Variants in TRPC6 observed in about 807,000 individuals in gnomAD.
The protein encoded by TRPC6 is short transient receptor potential channel 6.
In TRPC6, 55 loss-of-function variants were observed where a neutral mutation model predicts 90.7. The ratio of observed to expected loss-of-function variants is 0.61; its 90% CI spans 0.49 to 0.76. The LOEUF (loss-of-function observed/expected upper bound fraction) is 0.76. Ranked by LOEUF, TRPC6 falls within the 30% of genes least tolerant of loss-of-function variation. The pLI is 0.00. For synonymous variants in TRPC6, 393 were observed against 393.0 expected, an observed-to-expected ratio of 1.00 and a Z score of 0.00; for missense variants, 989 against 1,122.7, an observed-to-expected ratio of 0.88 and a Z score of 1.70.
At chr11:101,555,325 G>A (rs1861538676) in intron 1 of TRPC6, among the ~76,000 whole-genome samples, 1 of 152,126 alleles carries the variant, frequency 6.6e-6, no homozygotes, top group Non-Finnish European at 1.5e-5. Flanking sequence ...TTTGCCACAT[G>A]GCATCCTACT....
intron 1 of TRPC6, among the ~76,000 whole-genome samples, chr11:101,565,297 G>C (rs1370860771): frequency 6.6e-6 from 1 of 151,936 alleles, no homozygotes; most frequent in Non-Finnish European, 1.5e-5. Flanking sequence ...TTCAGAAAAA[G>C]AAGAAACCAA....
chr11:101,520,579 AG>A (rs763069628), intron 1 of TRPC6, among the ~76,000 whole-genome samples: 6 of 152,148 alleles, frequency 3.9e-5, no homozygotes, highest in African/African-American at 1.2e-4. Context: ...AGAGCTTCCT[AG>A]AGACTTGTTA....
At chr11:101,463,061 G>T (rs963877842) in intron 10 of TRPC6, among the ~76,000 whole-genome samples, 3 of 152,184 alleles carry the variant, frequency 2.0e-5, no homozygotes, top group Admixed American at 6.5e-5. Flanking sequence ...CATCTATTGA[G>T]ATAATCATGT....
intron 1 of TRPC6, among the ~76,000 whole-genome samples, chr11:101,513,735 T>C (rs2136762774): frequency 6.6e-6 from 1 of 152,308 alleles, no homozygotes; most frequent in South Asian, 2.1e-4. Context: ...AACTTGTAAC[T>C]AAGATTCATC....
intron 1 of TRPC6, among the ~76,000 whole-genome samples, chr11:101,542,586 T>C (rs918701043): frequency 6.0e-5 from 9 of 150,878 alleles, no homozygotes; most frequent in African/African-American, 2.0e-4. Flanking sequence ...CCATTTATCA[T>C]GAATCCTAAA....
At chr11:101,515,954 A>G (rs1048083391) in intron 1 of TRPC6, among the ~76,000 whole-genome samples, 7 of 151,500 alleles carry the variant, frequency 4.6e-5, no homozygotes, top group Non-Finnish European at 1.0e-4. Flanking sequence ...TATAGGTGTT[A>G]TTTTATTTAA....
chr11:101,533,126 G>C (rs1357344990), intron 1 of TRPC6, among the ~76,000 whole-genome samples: 1 of 152,162 alleles, frequency 6.6e-6, no homozygotes, highest in Non-Finnish European at 1.5e-5. Flanking sequence ...GAGGTGATCA[G>C]GGTGAAAAAG....
intron 1 of TRPC6, among the ~76,000 whole-genome samples, chr11:101,577,372 T>C (rs1484861944): frequency 6.6e-6 from 1 of 152,236 alleles, no homozygotes; most frequent in African/African-American, 2.4e-5. Flanking sequence ...CTCGTACTGC[T>C]GCTGGACTGT....
At position 101,583,586 on chromosome 11, in the gene TRPC6, C is replaced by A; in HGVS notation, c.-83G>T. On this transcript the variant is annotated 5_prime_UTR_variant, in exon 1 of 13. Coordinates refer to ENST00000344327, the MANE Select transcript of TRPC6 (RefSeq NM_004621.6). Reference sequence around the variant, plus strand: ...CAGCGGGGACCCGGTGCGGAGGGTTCGCGTCAGCGGCCGAACTGGACCTGG... The same window carrying A: ...CAGCGGGGACCCGGTGCGGAGGGTTAGCGTCAGCGGCCGAACTGGACCTGG... 7.2e-7 allele frequency: 1 copy of A among 1,380,300 alleles called. No individual in the cohort carries two copies. Among genetic ancestry groups the A allele is most frequent in the South Asian group, 1.6e-5 (1 of 61,674 alleles). The allele number at this position is 1,380,300 out of a possible 1,614,324, so 85.5% of individuals were successfully genotyped here.
chr11:101,533,455 C>T (rs912345975), intron 1 of TRPC6, among the ~76,000 whole-genome samples: 1 of 152,130 alleles, frequency 6.6e-6, no homozygotes, highest in Non-Finnish European at 1.5e-5. Context: ...AAGACAGTGC[C>T]AAGCCATGAG....
chr11:101,458,738 A>T (rs1247844246), intron 10 of TRPC6, among the ~76,000 whole-genome samples: 2 of 152,194 alleles, frequency 1.3e-5, no homozygotes, highest in African/African-American at 4.8e-5. Flanking sequence ...CTTGTTTCAA[A>T]ATGTATTTTT....
At chr11:101,461,234 C>T (rs1013822289) in intron 10 of TRPC6, among the ~76,000 whole-genome samples, 3 of 152,156 alleles carry the variant, frequency 2.0e-5, no homozygotes, top group Non-Finnish European at 2.9e-5. Context: ...TTACTTCACA[C>T]AAACAAAAGA....
At chr11:101,489,636 ATTTT>A (rs57237951) in intron 3 of TRPC6, among the ~76,000 whole-genome samples, 8 of 148,450 alleles carry the variant, frequency 5.4e-5, no homozygotes, top group South Asian at 2.1e-4. Flanking sequence ...AATTTTCAAT[ATTTT>A]TTTTTTTTGA....
intron 5 of TRPC6, 120 bp downstream of exon 5, chr11:101,482,829 T>C (rs564599444): frequency 4.8e-6 from 5 of 1,042,886 alleles, no homozygotes; most frequent in East Asian, 2.4e-5. Context: ...AAAATTATGA[T>C]GTGTGGTGCA....
intron 1 of TRPC6, among the ~76,000 whole-genome samples, chr11:101,576,488 G>A (rs1452092308): frequency 6.6e-6 from 1 of 152,196 alleles, no homozygotes; most frequent in African/African-American, 2.4e-5. Context: ...CTGTGATTCA[G>A]TCAGTTCCAA....
At position 101,504,078 on chromosome 11, in the gene TRPC6, A is replaced by G. The variant is rs1489671359; in HGVS notation, c.891T>C (p.Ala297=). The change falls in exon 2 of 13, where the codon GCT becomes GCC. Residue 297 remains alanine, a synonymous_variant. Coordinates refer to ENST00000344327, the MANE Select transcript of TRPC6 (RefSeq NM_004621.6). ...SLSSEDPVMT[A]LELSNELAVL... ...CTGCCAGTTCATTGCTAAGTTCTAA[A>G]GCCGTCATGACTGGATCTTCACTAG... is the stretch of plus-strand genomic sequence containing the variant. 1 of 1,614,096 alleles carries G rather than the reference A, an allele frequency of 6.2e-7. No homozygotes were observed.
chr11:101,509,717 A>ATT (rs201469652), intron 1 of TRPC6, among the ~76,000 whole-genome samples: 5 of 150,030 alleles, frequency 3.3e-5, no homozygotes, highest in African/African-American at 9.8e-5. Context: ...TTTCCGTAGA[A>ATT]TTTTTTTTTT....
intron 10 of TRPC6, among the ~76,000 whole-genome samples, chr11:101,465,698 T>A (rs997347696): frequency 6.6e-6 from 1 of 152,214 alleles, no homozygotes; most frequent in East Asian, 1.9e-4. Flanking sequence ...CTAACCTTTT[T>A]TCAAGGTTCT....
chr11:101,513,939 C>T (rs771342553), intron 1 of TRPC6, among the ~76,000 whole-genome samples: 5 of 152,138 alleles, frequency 3.3e-5, no homozygotes, highest in Non-Finnish European at 7.3e-5. Flanking sequence ...TCTAACTCTC[C>T]ACAATGGGGG....
Sources: gnomAD v4.1 joint callset for allele counts (sites outside exome capture counted in the v4.1 genomes callset) on GRCh38, gnomAD v4.1.1 for gene constraint, MANE v1.5 for transcripts, NCBI Gene and HGNC (gene_info 2026-07-23, HGNC 2026-07-21) for gene names.